CTTNBP2NL: variants seen among roughly 807,000 people sequenced by gnomAD.
CTTNBP2NL encodes CTTNBP2 N-terminal like, also known as CTTNBP2 N-terminal-like protein.
A neutral mutation model predicts 32.5 loss-of-function variants in CTTNBP2NL; 16 were observed. The observed-to-expected ratio is 0.49, with a 90% CI of 0.33 to 0.75. The LOEUF (loss-of-function observed/expected upper bound fraction) is 0.75. Ranked by LOEUF, CTTNBP2NL falls within the 30% of genes least tolerant of loss-of-function variation. The probability of loss-of-function intolerance (pLI) is 0.02; values close to 1 mark genes in which losing one functional copy is unlikely to be tolerated. For synonymous variants in CTTNBP2NL, 298 were observed against 289.4 expected (o/e 1.03, Z -0.30); for missense variants, 645 against 756.0 (o/e 0.85, Z 1.72).
intron 3 of CTTNBP2NL, among the ~76,000 whole-genome samples, chr1:112,419,603 A>T (rs950292299): frequency 1.4e-4 from 21 of 152,186 alleles, no homozygotes; most frequent in African/African-American, 5.1e-4. Flanking sequence ...ATAGCCTAAC[A>T]TCTGCCTTTG....
At chr1:112,416,342 G>T in intron 3 of CTTNBP2NL, 78 bp downstream of exon 3, 1 of 777,176 alleles carries the variant, frequency 1.3e-6, no homozygotes, top group Admixed American at 2.6e-5. Context: ...TTTAACTAAG[G>T]TATTTCTGCA....
upstream of CTTNBP2NL, among the ~76,000 whole-genome samples, chr1:112,392,925 T>C (rs1345513611): frequency 1.3e-5 from 2 of 152,042 alleles, no homozygotes; most frequent in African/African-American, 2.4e-5. Flanking sequence ...TGGCGCGATC[T>C]CGGCTCACTG....
chr1:112,394,205 T>TAAA (rs60528857), upstream of CTTNBP2NL, among the ~76,000 whole-genome samples: 1 of 73,288 alleles, frequency 1.4e-5, no homozygotes, highest in Non-Finnish European at 3.1e-5. Flanking sequence ...TCCATCTCGA[T>TAAA]AAAAAAAAAA....
chr1:112,454,103 C>G (rs985898927), intron 4 of CTTNBP2NL, among the ~76,000 whole-genome samples: 1 of 152,164 alleles, frequency 6.6e-6, no homozygotes, highest in Non-Finnish European at 1.5e-5. Flanking sequence ...ATCACCTACA[C>G]CTGGCCCCTA....
upstream of CTTNBP2NL, among the ~76,000 whole-genome samples, chr1:112,393,651 G>C (rs1459128068): frequency 6.6e-6 from 1 of 152,172 alleles, no homozygotes; most frequent in Non-Finnish European, 1.5e-5. Context: ...AGCCCTGCCT[G>C]TTCCCTACTT....
At position 112,457,088 on chromosome 1, in the gene CTTNBP2NL, C is replaced by T. The variant is rs776944875; in HGVS notation, c.1596C>T (p.Asp532=). The T allele has an allele frequency of 6.2e-7, 1 of 1,614,144 alleles. No homozygotes were observed. ...CCAACAGCTCTCCCTTTGGCACAGA[C>T]TATCGAAATCTAGCCAACACTGCCA... ...VSPNSSPFGT[D]YRNLANTANP... Residue 532 remains aspartate, a synonymous_variant, in exon 6 of 6, where the codon GAC becomes GAT. Coordinates refer to ENST00000271277, the MANE Select transcript of CTTNBP2NL (RefSeq NM_018704.3).
chr1:112,392,960 C>T (rs1648221503), upstream of CTTNBP2NL, among the ~76,000 whole-genome samples: 1 of 152,206 alleles, frequency 6.6e-6, no homozygotes, highest in East Asian at 1.9e-4. Context: ...TGGGTTCAAG[C>T]GATTCTCCTG....
At chr1:112,422,588 C>CATT (rs1649264263) in intron 3 of CTTNBP2NL, among the ~76,000 whole-genome samples, 1 of 152,098 alleles carries the variant, frequency 6.6e-6, no homozygotes. Flanking sequence ...AGCGATTGTA[C>CATT]CATTTTACAT....
chr1:112,410,966 A>G (rs1648845028), intron 1 of CTTNBP2NL, among the ~76,000 whole-genome samples: 1 of 152,216 alleles, frequency 6.6e-6, no homozygotes, highest in South Asian at 2.1e-4. Context: ...TGGCATACCA[A>G]AAATCTGTCA....
intron 2 of CTTNBP2NL, among the ~76,000 whole-genome samples, chr1:112,414,135 G>T (rs1265676562): frequency 6.6e-6 from 1 of 151,980 alleles, no homozygotes; most frequent in African/African-American, 2.4e-5. Context: ...GGAGACTGAG[G>T]TGGGCGGATC....
intron 3 of CTTNBP2NL, among the ~76,000 whole-genome samples, chr1:112,436,157 G>T (rs1649724645): frequency 6.8e-6 from 1 of 146,822 alleles, no homozygotes. Context: ...CCCTTTGTCT[G>T]TTTACTTTCC....
chr1:112,430,493 C>T (rs1032078621), intron 3 of CTTNBP2NL, among the ~76,000 whole-genome samples: 1 of 151,666 alleles, frequency 6.6e-6, no homozygotes, highest in African/African-American at 2.4e-5. Flanking sequence ...CCGCCTCGGC[C>T]TTCCAGAGTG....
chr1:112,455,387 C>T (rs913904252), intron 5 of CTTNBP2NL, among the ~76,000 whole-genome samples: 6 of 152,128 alleles, frequency 3.9e-5, no homozygotes, highest in African/African-American at 1.4e-4. Flanking sequence ...TGACTGATCC[C>T]AGCTACCCGG....
chr1:112,447,519 C>T (rs1650086249), intron 3 of CTTNBP2NL, among the ~76,000 whole-genome samples: 1 of 152,102 alleles, frequency 6.6e-6, no homozygotes, highest in Admixed American at 6.6e-5. Flanking sequence ...GAATTTCTAA[C>T]TGCTTTGAAC....
intron 1 of CTTNBP2NL, among the ~76,000 whole-genome samples, chr1:112,409,420 A>C (rs1648787981): frequency 1.3e-5 from 2 of 152,234 alleles, no homozygotes; most frequent in African/African-American, 4.8e-5. Context: ...TGATTTATTT[A>C]AATAGATCTA....
chr1:112,428,089 C>CCA (rs1035672894), intron 3 of CTTNBP2NL, among the ~76,000 whole-genome samples: 1 of 151,224 alleles, frequency 6.6e-6, no homozygotes, highest in African/African-American at 2.4e-5. Flanking sequence ...ATATATGTAT[C>CCA]CACACACACA....
intron 3 of CTTNBP2NL, among the ~76,000 whole-genome samples, chr1:112,425,956 CGT>C (rs376135147): frequency 0.17 from 20,177 of 119,540 alleles, 1,494 homozygotes; most frequent in East Asian, 0.35. Context: ...ATCTGGATGC[CGT>C]GTGTGTGTGT....
At position 112,449,001 on chromosome 1, in the gene CTTNBP2NL, T is replaced by C. The variant is rs17030326; in HGVS notation, c.159T>C (p.Pro53=). ...ERYGKYNISD[P]LMALQRDFET... ...ATGGAAAATATAACATCAGTGATCC[T>C]TTAATGGCTCTACAGAGAGATTTTG... Residue 53 remains proline (P), a synonymous_variant, in exon 4 of 6, where the codon CCT becomes CCC. Coordinates refer to ENST00000271277, the MANE Select transcript of CTTNBP2NL (RefSeq NM_018704.3). The C allele has an allele frequency of 2.0e-3, 3,212 of 1,613,606 alleles. 41 individuals carry two copies. The East Asian group carries it at 0.029, about 14-fold the overall frequency.
intron 4 of CTTNBP2NL, among the ~76,000 whole-genome samples, chr1:112,452,248 A>G (rs1464389733): frequency 6.6e-6 from 1 of 151,006 alleles, no homozygotes; most frequent in East Asian, 2.0e-4. Context: ...ATAGCACCCT[A>G]TAGCCTGGAA....
Sources: allele counts gnomAD v4.1 joint callset (sites outside exome capture counted in the v4.1 genomes callset), GRCh38; gene constraint gnomAD v4.1.1; transcripts MANE v1.5; gene names NCBI Gene and HGNC (gene_info 2026-07-23, HGNC 2026-07-21).